DCDC2C: variants seen among roughly 807,000 people sequenced by gnomAD.
DCDC2C encodes doublecortin domain-containing protein 2C.
DCDC2C carries 44 observed loss-of-function variants against 45.0 expected under a neutral mutation model. The observed-to-expected ratio is 0.98, with a 90% CI of 0.77 to 1.26. The LOEUF is 1.26. DCDC2C is among the 50% of genes most tolerant of loss of function. The pLI, the probability that DCDC2C is intolerant of heterozygous loss-of-function variation, is 0.00. For missense variants in DCDC2C, 447 were observed against 468.9 expected, an observed-to-expected ratio of 0.95 and a Z score of 0.43; for synonymous variants, 187 against 178.8, an observed-to-expected ratio of 1.05 and a Z score of -0.37.
intron 8 of DCDC2C, among the ~76,000 whole-genome samples, chr2:3,773,429 C>A (rs1670240314): frequency 6.6e-6 from 1 of 152,184 alleles, no homozygotes; most frequent in Admixed American, 6.5e-5. Flanking sequence ...CGCGGGGGTG[C>A]ATGGCCTGTG....
Position 3,723,833 on chromosome 2 carries a change from G to A in DCDC2C, c.340-3170G>A, listed in dbSNP as rs532777600. ...TTGTAGTTGAACAAATGGGGCCGGG[G>A]TGGCACCATTTTCTGAGATGGGGAA... On this transcript the variant is annotated intron_variant, in intron 2 of 10. Transcript: ENST00000399143. Among the ~76,000 whole-genome samples, 329 of 152,208 alleles carry A rather than the reference G, an allele frequency of 2.2e-3. 2 individuals are homozygous for A. The highest frequency in any genetic ancestry group is 7.6e-3 in the African/African-American group (316 of 41,518).
intron 6 of DCDC2C, among the ~76,000 whole-genome samples, chr2:3,767,313 C>T (rs1299734373): frequency 6.6e-6 from 1 of 152,238 alleles, no homozygotes; most frequent in African/African-American, 2.4e-5. Flanking sequence ...TAATTCTCCT[C>T]ACAGACGCTC....
At chr2:3,771,079 C>T (rs972159464) in intron 8 of DCDC2C, among the ~76,000 whole-genome samples, 1 of 152,248 alleles carries the variant, frequency 6.6e-6, no homozygotes, top group Non-Finnish European at 1.5e-5. Context: ...CAGAAACAGA[C>T]TCTCAGCCAT....
chr2:3,728,646 A>G (rs1187514344), intron 3 of DCDC2C, among the ~76,000 whole-genome samples: 1 of 152,222 alleles, frequency 6.6e-6, no homozygotes, highest in African/African-American at 2.4e-5. Flanking sequence ...CCAAATATCC[A>G]TGTGAGTGCA....
chr2:3,793,348 T>C (rs910305201), intron 10 of DCDC2C, among the ~76,000 whole-genome samples: 6 of 152,212 alleles, frequency 3.9e-5, no homozygotes, highest in African/African-American at 1.4e-4. Flanking sequence ...TAAACATCCT[T>C]CAGTGCCGCC....
chr2:3,719,103 T>G (rs113592230), intron 2 of DCDC2C, among the ~76,000 whole-genome samples: 16,195 of 151,946 alleles, frequency 0.11, 1,064 homozygotes, highest in Middle Eastern at 0.15. Context: ...TTTTTTTTTT[T>G]GGGATGGAGT....
chr2:3,737,084 C>T (rs1669052553), intron 3 of DCDC2C, among the ~76,000 whole-genome samples: 1 of 152,166 alleles, frequency 6.6e-6, no homozygotes, highest in Non-Finnish European at 1.5e-5. Flanking sequence ...GTACCCCCCG[C>T]CACTGCCCAT....
chr2:3,766,808 A>G (rs4849924), intron 6 of DCDC2C, among the ~76,000 whole-genome samples: 135 of 152,390 alleles, frequency 8.9e-4, no homozygotes, highest in Admixed American at 8.2e-3. Flanking sequence ...GACATTTTGT[A>G]TCATAAAGAT....
chr2:3,748,922 T>G (rs1370722629), intron 4 of DCDC2C, among the ~76,000 whole-genome samples: 2 of 152,192 alleles, frequency 1.3e-5, no homozygotes, highest in African/African-American at 4.8e-5. Flanking sequence ...GAGTCCAGGG[T>G]TCAGGGTACC....
chr2:3,837,251 C>T (rs922002434), intron 10 of DCDC2C, among the ~76,000 whole-genome samples: 8 of 152,178 alleles, frequency 5.3e-5, no homozygotes, highest in African/African-American at 1.9e-4. Context: ...TTAGAGCAAT[C>T]AGAGAACTCA....
chr2:3,725,315 C>G (rs1668611322), intron 2 of DCDC2C, among the ~76,000 whole-genome samples: 1 of 152,032 alleles, frequency 6.6e-6, no homozygotes, highest in Non-Finnish European at 1.5e-5. Context: ...GAGCAGAGAC[C>G]CTCGTTGTGC....
rs552896440 is a variant in DCDC2C, at chr2:3,785,652, G to A, written c.1065+552G>A. 1.1e-4 allele frequency among the ~76,000 whole-genome samples: 17 copies of A among 152,294 alleles called. No homozygotes were observed. In the South Asian group the frequency reaches 3.5e-3, roughly 32 times the overall value. ...CCCTAGAAGCGCTGCTCTCCCTGCCGTCAGCAATAGCTCTGTCCTCAGCAG... is the reference window on the plus strand; with the variant it reads ...CCCTAGAAGCGCTGCTCTCCCTGCCATCAGCAATAGCTCTGTCCTCAGCAG... On this transcript the variant is annotated intron_variant, in intron 10 of 10. Transcript: ENST00000399143.
intron 10 of DCDC2C, among the ~76,000 whole-genome samples, chr2:3,841,834 CTT>C (rs1481204011): frequency 6.6e-6 from 1 of 152,090 alleles, no homozygotes; most frequent in Non-Finnish European, 1.5e-5. Context: ...GTGTGACAGT[CTT>C]TGTATTTTCT....
chr2:3,720,272 G>A (rs1468100364), intron 2 of DCDC2C, among the ~76,000 whole-genome samples: 1 of 152,226 alleles, frequency 6.6e-6, no homozygotes, highest in Non-Finnish European at 1.5e-5. Flanking sequence ...GTGGTTTGAA[G>A]CAAGAGTCAG....
At chr2:3,759,272 T>C (rs779683747) in intron 6 of DCDC2C, among the ~76,000 whole-genome samples, 1 of 152,192 alleles carries the variant, frequency 6.6e-6, no homozygotes, top group Admixed American at 6.5e-5. Flanking sequence ...TCTGTTATTT[T>C]CTCATTTTTC....
At position 3,818,958 on chromosome 2, in the gene DCDC2C, G is replaced by A. The variant is rs1302483819; in HGVS notation, c.1066-28196G>A. The stretch of plus-strand genomic sequence containing the variant: ...TTGTTTACGTTGGCACCAGAGTTGT[G>A]GAGTTTTAAGAGGTTTAGAAGCCTG... On this transcript the variant is annotated intron_variant, in intron 10 of 10. Transcript: ENST00000399143. The surrounding 1 kb of genome is among the most constrained non-coding windows in gnomAD (Gnocchi z 4.7). Among the ~76,000 whole-genome samples the A allele has an allele frequency of 2.0e-5, 3 of 152,148 alleles. No homozygotes were observed.
chr2:3,762,134 T>TGCTTGATCCA (rs1669894806), intron 6 of DCDC2C, among the ~76,000 whole-genome samples: 1 of 148,896 alleles, frequency 6.7e-6, no homozygotes, highest in Admixed American at 6.7e-5. Flanking sequence ...CATGGATTCC[T>TGCTTGATCCA]GCTTGATCCA....
intron 10 of DCDC2C, among the ~76,000 whole-genome samples, chr2:3,792,390 T>C (rs1165506750): frequency 6.6e-6 from 1 of 152,172 alleles, no homozygotes; most frequent in Non-Finnish European, 1.5e-5. Flanking sequence ...GGTTGGCAGG[T>C]GTTTATTAAA....
intron 10 of DCDC2C, among the ~76,000 whole-genome samples, chr2:3,797,977 G>T (rs1671008181): frequency 1.3e-5 from 2 of 151,640 alleles, no homozygotes; most frequent in Admixed American, 6.6e-5. Context: ...GGGTGTTAAA[G>T]TCTCCCATTA....
Sources: gnomAD v4.1 joint callset for allele counts (sites outside exome capture counted in the v4.1 genomes callset) on GRCh38, gnomAD v4.1.1 for gene constraint, Gnocchi (gnomAD v3.1) non-coding constraint, MANE v1.5 for transcripts, NCBI Gene and HGNC (gene_info 2026-07-23, HGNC 2026-07-21) for gene names.